ZC3H12C: variants seen among roughly 807,000 people sequenced by gnomAD.
ZC3H12C encodes zinc finger CCCH-type containing 12C, also known as probable ribonuclease ZC3H12C.
Under a neutral mutation model 76.3 loss-of-function variants are expected in ZC3H12C, and 20 were observed. The observed-to-expected ratio is 0.26, with a 90% CI of 0.18 to 0.38. The LOEUF is 0.38. ZC3H12C is among the 10% of genes least tolerant of loss of function. The probability of loss-of-function intolerance (pLI) is 1.00; values close to 1 mark genes in which losing one functional copy is unlikely to be tolerated. For synonymous variants in ZC3H12C, 352 were observed against 399.6 expected, an observed-to-expected ratio of 0.88 and a Z score of 1.42; for missense variants, 874 against 1,086.5, an observed-to-expected ratio of 0.80 and a Z score of 2.75.
chr11:110,151,621 C>T (rs1862271765), intron 2 of ZC3H12C, among the ~76,000 whole-genome samples: 1 of 152,122 alleles, frequency 6.6e-6, no homozygotes, highest in South Asian at 2.1e-4. Flanking sequence ...TCATTATTTT[C>T]CATGAAACCT....
rs1176564528 is a variant in ZC3H12C at position 110,169,968 on chromosome 11, T to C, written c.*4231T>C. ...TTTATTTACAGAAACGGGAAGCCGG[T>C]CAGATTGGGCCTGTGGGCCATAATT... is the stretch of plus-strand genomic sequence containing the variant. On this transcript the variant is annotated 3_prime_UTR_variant, in exon 6 of 6. Transcript: ENST00000278590. 6.6e-6 allele frequency: 1 copy of C among 152,208 alleles called. No individual in the cohort carries two copies. Among genetic ancestry groups the C allele is most frequent in the African/African-American group, 2.4e-5 (1 of 41,464 alleles). The allele number at this position is 152,208 out of a possible 1,614,324, so 9.4% of individuals were successfully genotyped here. A position where few individuals can be genotyped will look rare whatever the true frequency, so the allele number is the denominator to read the frequency against.
At chr11:110,154,050 C>A (rs1862326585) in intron 3 of ZC3H12C, among the ~76,000 whole-genome samples, 1 of 152,144 alleles carries the variant, frequency 6.6e-6, no homozygotes, top group African/African-American at 2.4e-5. Flanking sequence ...AAGAGACCAT[C>A]TACTATATAC....
At position 110,157,564 on chromosome 11, in the gene ZC3H12C, T is replaced by C. The variant is rs548001124; in HGVS notation, c.914-1692T>C. On this transcript the variant is annotated intron_variant, in intron 3 of 5. Transcript: ENST00000278590. Reference sequence around the variant, plus strand: ...AATTCTCCTGCCTCAGCTTCCCAGGTAGCTGGGATTACAGGTGTGCACCAT... The same window carrying C: ...AATTCTCCTGCCTCAGCTTCCCAGGCAGCTGGGATTACAGGTGTGCACCAT... Among the ~76,000 whole-genome samples the C allele has an allele frequency of 3.9e-5, 6 of 151,922 alleles. No homozygotes were observed. The East Asian group carries it at 1.2e-3, about 30-fold the overall frequency.
intron 2 of ZC3H12C, among the ~76,000 whole-genome samples, chr11:110,147,245 G>T (rs1374166271): frequency 1.3e-5 from 2 of 152,118 alleles, no homozygotes; most frequent in African/African-American, 4.8e-5. Context: ...CTTTAAGATG[G>T]GTACCATCAG....
intron 2 of ZC3H12C, among the ~76,000 whole-genome samples, chr11:110,142,368 A>G (rs1862081689): frequency 6.6e-6 from 1 of 152,214 alleles, no homozygotes; most frequent in Non-Finnish European, 1.5e-5. Flanking sequence ...AATAAAGTTA[A>G]TCACAGATCT....
chr11:110,112,742 CAAG>C (rs1189725955), intron 1 of ZC3H12C, among the ~76,000 whole-genome samples: 2 of 152,116 alleles, frequency 1.3e-5, no homozygotes, highest in African/African-American at 4.8e-5. Context: ...TTGTAGAGGC[CAAG>C]AAGGACTGCA....
At chr11:110,161,011 GT>G (rs34438018) in intron 4 of ZC3H12C, among the ~76,000 whole-genome samples, 256 of 145,722 alleles carry the variant, frequency 1.8e-3, no homozygotes, top group African/African-American at 5.4e-3. Context: ...TAATTTTTGT[GT>G]TTTTTTTTTT....
chr11:110,114,888 A>C lies in ZC3H12C; in HGVS notation c.21+21456A>C, dbSNP rs138592730. Among the ~76,000 whole-genome samples, 648 of 152,286 alleles carry C rather than the reference A, an allele frequency of 4.3e-3. 8 individuals are homozygous for C. The highest frequency in any genetic ancestry group is 0.015 in the African/African-American group (631 of 41,552). On this transcript the variant is annotated intron_variant, in intron 1 of 5. Transcript: ENST00000278590. Reference sequence around the variant, plus strand: ...GCTTTAACTTTTCAATAATTTATAGATCTTTGGAGAAAGCTAACTGAAAAG... The same window carrying C: ...GCTTTAACTTTTCAATAATTTATAGCTCTTTGGAGAAAGCTAACTGAAAAG...
chr11:110,166,419 TAAGA>T lies in ZC3H12C; in HGVS notation c.*685_*688del, dbSNP rs2134204784. The T allele has an allele frequency of 6.6e-6, 1 of 152,318 alleles. No homozygotes were observed. The highest frequency in any genetic ancestry group is 1.5e-5 in the Non-Finnish European group (1 of 68,012). The allele number at this position is 152,318 out of a possible 1,614,324, so 9.4% of individuals were successfully genotyped here. ...TTTTTGTTTGGATTTTTTTTTCTGT[TAAGA>T]AATTAGTTAATTTAATATGGTCAAT... On this transcript the variant is annotated 3_prime_UTR_variant, in exon 6 of 6. Coordinates refer to ENST00000278590, the MANE Select transcript of ZC3H12C (RefSeq NM_033390.2).
At chr11:110,145,292 A>G (rs1372564396) in intron 2 of ZC3H12C, among the ~76,000 whole-genome samples, 1 of 152,234 alleles carries the variant, frequency 6.6e-6, no homozygotes, top group Non-Finnish European at 1.5e-5. Context: ...ATTAGTCTTG[A>G]GTAAAGATAA....
chr11:110,144,717 G>A (rs1167532721), intron 2 of ZC3H12C, among the ~76,000 whole-genome samples: 1 of 152,098 alleles, frequency 6.6e-6, no homozygotes, highest in Admixed American at 6.5e-5. Flanking sequence ...GCAAATTGTA[G>A]TAAAATCAAA....
At position 110,165,762 on chromosome 11, in the gene ZC3H12C, T is replaced by G. The variant is rs1206318814; in HGVS notation, c.*25T>G. 1.3e-6 allele frequency: 2 copies of G among 1,543,648 alleles called. No individual in the cohort carries two copies. Among genetic ancestry groups the G allele is most frequent in the South Asian group, 2.4e-5 (2 of 82,020 alleles). On this transcript the variant is annotated 3_prime_UTR_variant, in exon 6 of 6. Transcript: ENST00000278590. ...AAAGATGATGCATCTTTGTGGTGTTTAGTAGTTTTTTGTTCAGCTCAAATG... is the reference window on the plus strand; with the variant it reads ...AAAGATGATGCATCTTTGTGGTGTTGAGTAGTTTTTTGTTCAGCTCAAATG...
chr11:110,150,746 T>G (rs1053880843), intron 2 of ZC3H12C, among the ~76,000 whole-genome samples: 4 of 152,156 alleles, frequency 2.6e-5, no homozygotes, highest in African/African-American at 7.2e-5. Context: ...TTCTGTCAAT[T>G]AGTATGGTTG....
chr11:110,163,962 T>C (rs527696983), intron 5 of ZC3H12C, among the ~76,000 whole-genome samples: 9 of 151,964 alleles, frequency 5.9e-5, no homozygotes, highest in Non-Finnish European at 1.0e-4. Context: ...TCACCAGGCT[T>C]GGTAGCGCAC....
chr11:110,128,889 C>CAAAAAA (rs145436449), intron 1 of ZC3H12C, among the ~76,000 whole-genome samples: 25 of 93,958 alleles, frequency 2.7e-4, no homozygotes, highest in African/African-American at 4.4e-4. Context: ...CCACCACTAA[C>CAAAAAA]AAAAAAAAAA....
chr11:110,125,220 T>A (rs1861717971), intron 1 of ZC3H12C, among the ~76,000 whole-genome samples: 3 of 151,972 alleles, frequency 2.0e-5, no homozygotes, highest in African/African-American at 7.3e-5. Context: ...CTACTTCCTC[T>A]TTTAAGTCAT....
At chr11:110,143,949 T>G (rs939220948) in intron 2 of ZC3H12C, among the ~76,000 whole-genome samples, 1 of 152,266 alleles carries the variant, frequency 6.6e-6, no homozygotes, top group Non-Finnish European at 1.5e-5. Flanking sequence ...ATAATCATAC[T>G]TATTTTTCTA....
At chr11:110,154,105 C>T (rs980261312) in intron 3 of ZC3H12C, among the ~76,000 whole-genome samples, 1 of 152,176 alleles carries the variant, frequency 6.6e-6, no homozygotes, top group East Asian at 1.9e-4. Flanking sequence ...GGCGCAGTGG[C>T]TCATGCCTGT....
chr11:110,161,003 A>C (rs1862469615), intron 4 of ZC3H12C, among the ~76,000 whole-genome samples: 1 of 125,304 alleles, frequency 8.0e-6, no homozygotes, highest in Non-Finnish European at 1.7e-5. Context: ...CACCTGGCTA[A>C]TTTTTGTGTT....
Sources: gnomAD v4.1 joint callset for allele counts (sites outside exome capture counted in the v4.1 genomes callset) on GRCh38, gnomAD v4.1.1 for gene constraint, MANE v1.5 for transcripts, NCBI Gene and HGNC (gene_info 2026-07-23, HGNC 2026-07-21) for gene names.